CEP128: variants seen among roughly 807,000 people sequenced by gnomAD.
CEP128 encodes the protein centrosomal protein 128kDa.
A neutral mutation model predicts 156.7 loss-of-function variants in CEP128; 132 were observed. The observed-to-expected ratio is 0.84, with a 90% CI of 0.73 to 0.97. CEP128 has a LOEUF of 0.97. Ranked by LOEUF, CEP128 falls within the 50% of genes least tolerant of loss-of-function variation. The probability of loss-of-function intolerance (pLI) is 0.00; values close to 1 mark genes in which losing one functional copy is unlikely to be tolerated. For synonymous variants in CEP128, 469 were observed against 448.9 expected (o/e 1.04, Z -0.57); for missense variants, 1,252 against 1,281.9 (o/e 0.98, Z 0.36).
intron 9 of CEP128, among the ~76,000 whole-genome samples, chr14:80,852,677 G>A (rs1277885815): frequency 6.6e-6 from 1 of 151,722 alleles, no homozygotes; most frequent in Non-Finnish European, 1.5e-5. Context: ...TTAGTAATCT[G>A]CAGCACCAAA....
chr14:80,899,695 A>G (rs1318323705), intron 7 of CEP128, among the ~76,000 whole-genome samples: 1 of 152,186 alleles, frequency 6.6e-6, no homozygotes, highest in East Asian at 1.9e-4. Flanking sequence ...GTACCCCTCC[A>G]TAATATCAGC....
At chr14:80,905,907 T>C (rs1883861155) in intron 5 of CEP128, 48 bp downstream of exon 5, 1 of 1,588,352 alleles carries the variant, frequency 6.3e-7, no homozygotes, top group African/African-American at 1.4e-5. Context: ...ATTCAATATC[T>C]ACTTCAAAAA....
intron 14 of CEP128, among the ~76,000 whole-genome samples, chr14:80,790,901 A>G (rs1901672495): frequency 6.6e-6 from 1 of 152,118 alleles, no homozygotes; most frequent in Non-Finnish European, 1.5e-5. Context: ...TTATTAAGTA[A>G]TTTATTCTTT....
At chr14:80,812,591 C>T (rs571435807) in intron 13 of CEP128, among the ~76,000 whole-genome samples, 6 of 151,068 alleles carry the variant, frequency 4.0e-5, no homozygotes, top group Non-Finnish European at 7.3e-5. Flanking sequence ...GTTTTTGAGA[C>T]AGAATCTCGC....
intron 9 of CEP128, 55 bp downstream of exon 9, chr14:80,862,702 C>T: frequency 8.4e-7 from 1 of 1,184,886 alleles, no homozygotes; most frequent in Non-Finnish European, 1.3e-6. Flanking sequence ...TTTAACATGG[C>T]TAAATAAACA....
chr14:80,507,368 A>G (rs888538857), intron 23 of CEP128, among the ~76,000 whole-genome samples: 16 of 152,314 alleles, frequency 1.1e-4, no homozygotes, highest in Middle Eastern at 6.8e-3. Context: ...AAGGATATAC[A>G]TTATGCCCCA....
intron 19 of CEP128, among the ~76,000 whole-genome samples, chr14:80,710,660 C>T (rs1372043434): frequency 6.6e-6 from 1 of 151,962 alleles, no homozygotes; most frequent in Non-Finnish European, 1.5e-5. Flanking sequence ...AAATTAACCC[C>T]TTTTTGTTTG....
At chr14:80,716,586 T>C (rs1897614239) in intron 19 of CEP128, among the ~76,000 whole-genome samples, 1 of 152,234 alleles carries the variant, frequency 6.6e-6, no homozygotes, top group African/African-American at 2.4e-5. Context: ...ATACTGCATT[T>C]CTTAGTGCTA....
intron 8 of CEP128, among the ~76,000 whole-genome samples, chr14:80,883,706 C>T (rs1478102122): frequency 6.6e-6 from 1 of 151,994 alleles, no homozygotes; most frequent in African/African-American, 2.4e-5. Flanking sequence ...CAATGACATT[C>T]TTCACTGAAA....
chr14:80,817,766 G>A (rs1884945502), intron 13 of CEP128, among the ~76,000 whole-genome samples: 1 of 151,790 alleles, frequency 6.6e-6, no homozygotes, highest in Non-Finnish European at 1.5e-5. Context: ...CTGTAGTCCT[G>A]GCTACTCGGG....
At chr14:80,559,331 A>C in intron 20 of CEP128, 29 bp from the exon 21 acceptor site, 1 of 1,570,874 alleles carries the variant, frequency 6.4e-7, no homozygotes, top group Admixed American at 1.9e-5. Context: ...ATATAATTAT[A>C]AAACGAAGGC....
At chr14:80,806,559 C>A (rs910361365) in intron 13 of CEP128, among the ~76,000 whole-genome samples, 1 of 152,118 alleles carries the variant, frequency 6.6e-6, no homozygotes, top group African/African-American at 2.4e-5. Flanking sequence ...TTCAATACTG[C>A]AACTCTGATG....
chr14:80,479,539 C>T (rs1320097673), intron 14 of CEP128, among the ~76,000 whole-genome samples: 2 of 152,174 alleles, frequency 1.3e-5, no homozygotes, highest in Admixed American at 1.3e-4. Context: ...ATGAGAATAT[C>T]ACGGGAAAGA....
rs1883732411 is a variant in CEP128 at position 80,799,851 on chromosome 14, A to C, written c.1210-6741T>G. 2.0e-5 allele frequency among the ~76,000 whole-genome samples: 3 copies of C among 152,260 alleles called. 1 individual carries two copies. In the South Asian group the frequency reaches 6.2e-4, roughly 32 times the overall value. On this transcript the variant is annotated intron_variant, in intron 13 of 24. Coordinates refer to ENST00000555265, the MANE Select transcript of CEP128 (RefSeq NM_152446.5). ...ATTTAAGATGTTTATCAAGACAATA[A>C]GTGCACCGCTGAACATAGACCCTTA... is the stretch of plus-strand genomic sequence containing the variant.
At chr14:80,711,575 G>A (rs1897409569) in intron 19 of CEP128, among the ~76,000 whole-genome samples, 1 of 151,920 alleles carries the variant, frequency 6.6e-6, no homozygotes, top group Non-Finnish European at 1.5e-5. Flanking sequence ...GCAGTGTGGG[G>A]GTTGCAGGGA....
intron 23 of CEP128, among the ~76,000 whole-genome samples, chr14:80,508,987 G>A (rs549358129): frequency 1.3e-5 from 2 of 152,250 alleles, no homozygotes; most frequent in Non-Finnish European, 2.9e-5. Flanking sequence ...CATGGCGGAA[G>A]GAGAAGGGGA....
intron 20 of CEP128, among the ~76,000 whole-genome samples, chr14:80,562,664 T>G (rs934219063): frequency 6.8e-6 from 1 of 146,564 alleles, no homozygotes; most frequent in Non-Finnish European, 1.5e-5. Flanking sequence ...TCTTTTTTTT[T>G]TTTTTTTTTT....
At chr14:80,800,846 C>G (rs549879681) in intron 13 of CEP128, among the ~76,000 whole-genome samples, 1 of 152,264 alleles carries the variant, frequency 6.6e-6, no homozygotes, top group South Asian at 2.1e-4. Context: ...ACAGACATTG[C>G]TATTAACTAT....
intron 20 of CEP128, among the ~76,000 whole-genome samples, chr14:80,567,021 G>T (rs1038738154): frequency 2.0e-5 from 3 of 152,152 alleles, no homozygotes; most frequent in Admixed American, 6.6e-5. Context: ...TTCAACCTGG[G>T]TGTGGCAAAT....
Sources: allele counts gnomAD v4.1 joint callset (sites outside exome capture counted in the v4.1 genomes callset), GRCh38; gene constraint gnomAD v4.1.1; transcripts MANE v1.5; gene names NCBI Gene and HGNC (gene_info 2026-07-23, HGNC 2026-07-21).